UCK2: variants seen among roughly 807,000 people sequenced by gnomAD.
UCK2 encodes uridine-cytidine kinase 2.
In UCK2, 6 loss-of-function variants were observed where a neutral mutation model predicts 30.8. That is an observed-to-expected ratio of 0.19 (90% CI 0.11 to 0.38). The LOEUF (loss-of-function observed/expected upper bound fraction) is 0.38, where lower values mean the gene tolerates loss of function less well. UCK2 is among the 10% of genes least tolerant of loss of function. The probability of loss-of-function intolerance (pLI) is 1.00; values close to 1 mark genes in which losing one functional copy is unlikely to be tolerated. For missense variants in UCK2, 210 were observed against 339.8 expected (o/e 0.62, Z 3.00); for synonymous variants, 125 against 133.6 (o/e 0.94, Z 0.45).
At chr1:165,890,157 C>G (rs774187911) in intron 1 of UCK2, 47 bp from the exon 2 acceptor site, 6 of 1,608,834 alleles carry the variant, frequency 3.7e-6, no homozygotes, top group Non-Finnish European at 5.1e-6. Context: ...CTCTGTACCA[C>G]ACGTGCCCTT....
chr1:165,834,559 A>G (rs1418742981), intron 1 of UCK2, among the ~76,000 whole-genome samples: 4 of 152,218 alleles, frequency 2.6e-5, no homozygotes, highest in Non-Finnish European at 5.9e-5. Context: ...TTAGGCTTTC[A>G]GGCCTCATAA....
At chr1:165,845,601 C>T (rs1329795460) in intron 1 of UCK2, among the ~76,000 whole-genome samples, 1 of 152,152 alleles carries the variant, frequency 6.6e-6, no homozygotes, top group African/African-American at 2.4e-5. Context: ...ATATTTAAGT[C>T]TCATCAGCAG....
intron 1 of UCK2, among the ~76,000 whole-genome samples, chr1:165,839,710 A>G (rs1463318178): frequency 1.3e-5 from 2 of 152,240 alleles, no homozygotes; most frequent in East Asian, 3.9e-4. Context: ...TAACATCCCT[A>G]TTTGGCCACT....
intron 1 of UCK2, among the ~76,000 whole-genome samples, chr1:165,876,003 C>T (rs1655323921): frequency 6.6e-6 from 1 of 152,174 alleles, no homozygotes; most frequent in Non-Finnish European, 1.5e-5. Flanking sequence ...GATTCTGTTT[C>T]CTGACCCAAC....
chr1:165,827,945 C>T lies in UCK2; in HGVS notation c.99+13C>T, dbSNP rs1272592493. The T allele has an allele frequency of 3.0e-6, 4 of 1,347,140 alleles. No individual in the cohort carries two copies. Among genetic ancestry groups the T allele is most frequent in the Middle Eastern group, 1.9e-4 (1 of 5,148 alleles). The allele number at this position is 1,347,140 out of a possible 1,614,324, so 83.4% of individuals were successfully genotyped here. On this transcript the variant is annotated intron_variant, in intron 1 of 6. Coordinates refer to ENST00000367879, the MANE Select transcript of UCK2 (RefSeq NM_012474.5). The stretch of plus-strand genomic sequence containing the variant: ...AGCTAGCGGCAAGGTACGGCGGGGC[C>T]CGGAGCCGCGCTCCCTTCCCGGCTT...
rs145251941 is a variant in UCK2 at position 165,902,794 on chromosome 1, C to T, written c.500-388C>T. ...CAGGTAAGTGCATGCAAGGAGGCAG[C>T]GTGCAGCCCAGCCCTCTCGGGGCCC... On this transcript the variant is annotated intron_variant, in intron 4 of 6. Coordinates refer to ENST00000367879, the MANE Select transcript of UCK2 (RefSeq NM_012474.5). 2.8e-3 allele frequency: 465 copies of T among 167,180 alleles called. 2 individuals are homozygous for T. The highest frequency in any genetic ancestry group is 0.01 in the African/African-American group (433 of 41,620). The allele number at this position is 167,180 out of a possible 1,614,324, so 10.4% of individuals were successfully genotyped here. A position where few individuals can be genotyped will look rare whatever the true frequency, so the allele number is the denominator to read the frequency against.
At chr1:165,829,509 C>T (rs534872037) in intron 1 of UCK2, among the ~76,000 whole-genome samples, 2 of 152,326 alleles carry the variant, frequency 1.3e-5, no homozygotes, top group East Asian at 3.9e-4. Flanking sequence ...GAAGTCCAGT[C>T]CTCCTAAAGT....
At chr1:165,889,459 T>C (rs951111716) in intron 1 of UCK2, among the ~76,000 whole-genome samples, 1 of 152,178 alleles carries the variant, frequency 6.6e-6, no homozygotes, top group African/African-American at 2.4e-5. Flanking sequence ...GCCTTTTTTG[T>C]CTGTCTATAC....
At chr1:165,874,709 C>T (rs1476346639) in intron 1 of UCK2, among the ~76,000 whole-genome samples, 2 of 151,846 alleles carry the variant, frequency 1.3e-5, no homozygotes, top group East Asian at 1.9e-4. Context: ...TTTTTTTTAA[C>T]GTAAGAATTC....
At chr1:165,879,545 T>TTATTATTA (rs1655426276) in intron 1 of UCK2, among the ~76,000 whole-genome samples, 29 of 146,878 alleles carry the variant, frequency 2.0e-4, no homozygotes, top group African/African-American at 7.2e-4. Context: ...ATGTTTGCTT[T>TTATTATTA]TTATTATTAT....
intron 1 of UCK2, among the ~76,000 whole-genome samples, chr1:165,861,627 C>CAAAAAA (rs1223282712): frequency 4.4e-4 from 7 of 15,858 alleles, no homozygotes; most frequent in African/African-American, 1.2e-3. Context: ...GACTCCGTCT[C>CAAAAAA]AAAAAAAAAA....
At chr1:165,906,362 C>T (rs1647660055) in intron 6 of UCK2, among the ~76,000 whole-genome samples, 1 of 152,108 alleles carries the variant, frequency 6.6e-6, no homozygotes, top group African/African-American at 2.4e-5. Context: ...TGGTTGCTAC[C>T]ATTATTGTAC....
intron 4 of UCK2, among the ~76,000 whole-genome samples, chr1:165,901,026 T>C (rs3790666): frequency 0.1 from 15,856 of 152,152 alleles, 2,395 homozygotes; most frequent in African/African-American, 0.33. Context: ...TGGTTAGCCA[T>C]GTGTGCCGGA....
rs1041112824 is a variant in UCK2, at chr1:165,911,484, T to G, written c.*3661T>G. On this transcript the variant is annotated 3_prime_UTR_variant, in exon 7 of 7. Transcript: ENST00000367879. ...GCAGGGTGAGTAGCTAAATACAGAC[T>G]TAGGCTTTTTTTTCCCCCCTTTTAA... 2.0e-5 allele frequency: 3 copies of G among 152,168 alleles called. No homozygotes were observed. Among genetic ancestry groups the G allele is most frequent in the Non-Finnish European group, 4.4e-5 (3 of 68,050 alleles). 9.4% of individuals were successfully genotyped at this position (152,168 alleles called of 1,614,324 possible). A position where few individuals can be genotyped will look rare whatever the true frequency, so the allele number is the denominator to read the frequency against.
intron 6 of UCK2, among the ~76,000 whole-genome samples, chr1:165,906,801 C>T: frequency 6.6e-6 from 1 of 152,202 alleles, no homozygotes; most frequent in East Asian, 1.9e-4. Context: ...AATTTTCCCT[C>T]CATTTAAAAA....
chr1:165,862,574 G>A (rs1654942523), intron 1 of UCK2, among the ~76,000 whole-genome samples: 2 of 152,238 alleles, frequency 1.3e-5, no homozygotes, highest in Admixed American at 6.5e-5. Flanking sequence ...GGAACAGTGA[G>A]TGAATGGCCC....
chr1:165,856,388 T>C (rs1654745839), intron 1 of UCK2, among the ~76,000 whole-genome samples: 2 of 151,566 alleles, frequency 1.3e-5, no homozygotes, highest in African/African-American at 4.9e-5. Flanking sequence ...CAGCTCCTGG[T>C]ATTTTGGGTA....
intron 1 of UCK2, among the ~76,000 whole-genome samples, chr1:165,869,229 G>A (rs1466923019): frequency 6.6e-6 from 1 of 152,132 alleles, no homozygotes; most frequent in East Asian, 1.9e-4. Flanking sequence ...TAATGAAAAT[G>A]TTTGAGATAT....
chr1:165,844,280 A>C (rs115502664), intron 1 of UCK2, among the ~76,000 whole-genome samples: 1,540 of 152,328 alleles, frequency 0.01, 28 homozygotes, highest in African/African-American at 0.035. Context: ...CGTAGTTGAC[A>C]TTCAGTGTGG....
Sources: allele counts gnomAD v4.1 joint callset (sites outside exome capture counted in the v4.1 genomes callset), GRCh38; gene constraint gnomAD v4.1.1; transcripts MANE v1.5; gene names NCBI Gene and HGNC (gene_info 2026-07-23, HGNC 2026-07-21).